Variants in NEGR1 observed in about 807,000 individuals in gnomAD.
NEGR1 encodes the protein IgLON family member 4.
NEGR1 carries 10 observed loss-of-function variants against 40.9 expected under a neutral mutation model. The observed-to-expected ratio is 0.24, with a 90% confidence interval of 0.15 to 0.42. The LOEUF (loss-of-function observed/expected upper bound fraction) is 0.42, where lower values mean the gene tolerates loss of function less well. NEGR1 is among the 10% of genes least tolerant of loss of function. The pLI, the probability that NEGR1 is intolerant of heterozygous loss-of-function variation, is 1.00. For synonymous variants in NEGR1, 185 were observed against 166.8 expected (o/e 1.11, Z -0.84); for missense variants, 352 against 438.9 (o/e 0.80, Z 1.77).
chr1:71,431,664 A>G (rs1010447719), intron 6 of NEGR1, among the ~76,000 whole-genome samples: 6 of 152,190 alleles, frequency 3.9e-5, no homozygotes, highest in African/African-American at 1.4e-4. Context: ...GGATATAGCA[A>G]TGAACAAACA....
At chr1:72,099,251 G>T (rs1329025756) in intron 1 of NEGR1, among the ~76,000 whole-genome samples, 1 of 151,736 alleles carries the variant, frequency 6.6e-6, no homozygotes, top group Non-Finnish European at 1.5e-5. Flanking sequence ...AAAATTCCTT[G>T]GTTATGTCTA....
At chr1:72,041,991 C>G (rs892201418) in intron 1 of NEGR1, among the ~76,000 whole-genome samples, 5 of 140,578 alleles carry the variant, frequency 3.6e-5, no homozygotes, top group South Asian at 2.2e-4. Flanking sequence ...ATATTTGAGA[C>G]TCTCAAATAT....
intron 3 of NEGR1, among the ~76,000 whole-genome samples, chr1:71,761,028 C>T (rs1570310881): frequency 6.6e-6 from 1 of 152,244 alleles, no homozygotes; most frequent in South Asian, 2.1e-4. Context: ...TTTACTGTCT[C>T]CTAGTTTTTC....
At chr1:72,165,912 G>C (rs1259409310) in intron 1 of NEGR1, among the ~76,000 whole-genome samples, 1 of 151,960 alleles carries the variant, frequency 6.6e-6, no homozygotes, top group East Asian at 1.9e-4. Context: ...AGGCATGAAT[G>C]AATATGTTAT....
chr1:71,704,019 C>T (rs955943221), intron 3 of NEGR1, among the ~76,000 whole-genome samples: 1 of 151,512 alleles, frequency 6.6e-6, no homozygotes, highest in Non-Finnish European at 1.5e-5. Context: ...TTGCTAAAAA[C>T]CAGAGGAAAA....
chr1:71,829,600 A>C (rs1330158957), intron 2 of NEGR1, among the ~76,000 whole-genome samples: 1 of 151,962 alleles, frequency 6.6e-6, no homozygotes, highest in Admixed American at 6.6e-5. Flanking sequence ...GAAACGATCA[A>C]AGCTTTCCTC....
At chr1:72,256,187 T>A (rs1462558543) in intron 1 of NEGR1, among the ~76,000 whole-genome samples, 1 of 152,214 alleles carries the variant, frequency 6.6e-6, no homozygotes, top group Non-Finnish European at 1.5e-5. Context: ...GAGCATGCAT[T>A]GCACATACTG....
chr1:72,135,263 C>T (rs2100322558), intron 1 of NEGR1, among the ~76,000 whole-genome samples: 1 of 149,666 alleles, frequency 6.7e-6, no homozygotes, highest in East Asian at 2.0e-4. Context: ...GTAGTCCCAG[C>T]TACTCGGGAG....
intron 1 of NEGR1, among the ~76,000 whole-genome samples, chr1:72,066,974 C>G (rs567969415): frequency 6.6e-6 from 1 of 152,028 alleles, no homozygotes; most frequent in Admixed American, 6.6e-5. Flanking sequence ...AGTGCCCATT[C>G]ATTTTTTTTG....
intron 4 of NEGR1, among the ~76,000 whole-genome samples, chr1:71,681,654 C>CT (rs1432280264): frequency 2.0e-5 from 3 of 152,120 alleles, no homozygotes; most frequent in African/African-American, 7.2e-5. Context: ...ACCTGGAAAA[C>CT]TGAGTCATTT....
At chr1:71,445,452 G>A (rs530504998) in intron 6 of NEGR1, among the ~76,000 whole-genome samples, 1 of 152,014 alleles carries the variant, frequency 6.6e-6, no homozygotes, top group Admixed American at 6.5e-5. Context: ...TACACTTGAA[G>A]TTAGTTGAGG....
intron 4 of NEGR1, among the ~76,000 whole-genome samples, chr1:71,643,876 CTG>C (rs1379837063): frequency 6.6e-6 from 1 of 151,892 alleles, no homozygotes; most frequent in African/African-American, 2.4e-5. Context: ...TTTGCAAAAA[CTG>C]AATCAAATTT....
Position 71,943,076 on chromosome 1 carries a change from G to GTA in NEGR1, c.177-7767_177-7766dup, listed in dbSNP as rs954115999. On this transcript the variant is annotated intron_variant, in intron 1 of 6. Transcript: ENST00000357731. ...TATATATGTGTGTGTATATATATGTGTATATATATACACACATACATATAT... is the reference window on the plus strand; with the variant it reads ...TATATATGTGTGTGTATATATATGTGTATATATATATACACACATACATATAT... Among the ~76,000 whole-genome samples, 28 of 142,658 alleles carry GTA rather than the reference G, an allele frequency of 2.0e-4. No individual in the cohort carries two copies. In the South Asian group the frequency reaches 3.3e-3, roughly 17 times the overall value. 93.6% of individuals were successfully genotyped at this position (142,658 alleles called of 152,430 possible). A position where few individuals can be genotyped will look rare whatever the true frequency, so the allele number is the denominator to read the frequency against.
intron 2 of NEGR1, among the ~76,000 whole-genome samples, chr1:71,806,158 C>T (rs1008404750): frequency 3.3e-5 from 5 of 152,092 alleles, no homozygotes; most frequent in Admixed American, 2.6e-4. Context: ...AGGTTAGTTC[C>T]CTGACCAATA....
intron 1 of NEGR1, among the ~76,000 whole-genome samples, chr1:72,091,055 A>G (rs753005185): frequency 1.7e-4 from 26 of 152,144 alleles, no homozygotes; most frequent in Non-Finnish European, 3.4e-4. Context: ...TTTCAAATTT[A>G]TTAGACAATT....
chr1:71,861,728 A>C (rs1482188744), intron 2 of NEGR1, among the ~76,000 whole-genome samples: 1 of 152,110 alleles, frequency 6.6e-6, no homozygotes, highest in Non-Finnish European at 1.5e-5. Flanking sequence ...GACATGAGTA[A>C]ACTACAGTTA....
chr1:71,859,823 G>A lies in NEGR1; in HGVS notation c.409+75256C>T, dbSNP rs192473867. Among the ~76,000 whole-genome samples, 446 of 152,174 alleles carry A rather than the reference G, an allele frequency of 2.9e-3. 3 individuals are homozygous for A. The highest frequency in any genetic ancestry group is 0.01 in the African/African-American group (430 of 41,546). On this transcript the variant is annotated intron_variant, in intron 2 of 6. Coordinates refer to ENST00000357731, the MANE Select transcript of NEGR1 (RefSeq NM_173808.3). ...AACACAGATGACACTCAACAAAATT[G>A]TATTTAATTGTTCAGTAAAAGCTTT... is the stretch of plus-strand genomic sequence containing the variant.
intron 2 of NEGR1, among the ~76,000 whole-genome samples, chr1:71,778,656 C>T (rs192190673): frequency 2.6e-5 from 4 of 152,130 alleles, no homozygotes; most frequent in East Asian, 1.9e-4. Context: ...CTCTTAGTCT[C>T]GCCTAGCGAC....
chr1:72,067,829 A>G (rs1489032475), intron 1 of NEGR1, among the ~76,000 whole-genome samples: 1 of 152,172 alleles, frequency 6.6e-6, no homozygotes, highest in Non-Finnish European at 1.5e-5. Flanking sequence ...TGGCTCAACC[A>G]TGTATACTTC....
Sources: gnomAD v4.1 joint callset for allele counts (sites outside exome capture counted in the v4.1 genomes callset) on GRCh38, gnomAD v4.1.1 for gene constraint, MANE v1.5 for transcripts, NCBI Gene and HGNC (gene_info 2026-07-23, HGNC 2026-07-21) for gene names.